ZNF804A: variants seen among roughly 807,000 people sequenced by gnomAD.
ZNF804A encodes the protein zinc finger protein 804A.
A neutral mutation model predicts 16.5 loss-of-function variants in ZNF804A; 2 were observed. The ratio of observed to expected loss-of-function variants is 0.12; its 90% CI spans 0.05 to 0.38. The LOEUF is 0.38. ZNF804A is among the 10% of genes least tolerant of loss of function. The pLI, the probability that ZNF804A is intolerant of heterozygous loss-of-function variation, is 0.99. For missense variants in ZNF804A, 1,473 were observed against 1,390.7 expected (o/e 1.06, Z -0.94); for synonymous variants, 534 against 489.6 (o/e 1.09, Z -1.20).
intron 1 of ZNF804A, among the ~76,000 whole-genome samples, chr2:184,626,120 G>A (rs1232564340): frequency 1.3e-5 from 2 of 151,976 alleles, no homozygotes; most frequent in African/African-American, 2.4e-5. Context: ...CACACACCTC[G>A]GCCTCCCAAA....
chr2:184,798,053 T>TGTGTGA (rs1491078827), intron 1 of ZNF804A, among the ~76,000 whole-genome samples: 3 of 144,718 alleles, frequency 2.1e-5, no homozygotes, highest in Non-Finnish European at 3.0e-5. Flanking sequence ...TGTGTGTGTG[T>TGTGTGA]GAAGATAGGG....
intron 1 of ZNF804A, among the ~76,000 whole-genome samples, chr2:184,785,644 G>A (rs1694435273): frequency 6.6e-6 from 1 of 151,952 alleles, no homozygotes; most frequent in African/African-American, 2.4e-5. Flanking sequence ...GTAAGAACAA[G>A]AAGGTTGCAA....
At chr2:184,814,346 A>G (rs1317775116) in intron 1 of ZNF804A, among the ~76,000 whole-genome samples, 1 of 152,038 alleles carries the variant, frequency 6.6e-6, no homozygotes, top group African/African-American at 2.4e-5. Flanking sequence ...CTTTGATTCA[A>G]AATTGCTGTT....
At chr2:184,651,585 AT>A (rs1035968157) in intron 1 of ZNF804A, among the ~76,000 whole-genome samples, 1 of 152,140 alleles carries the variant, frequency 6.6e-6, no homozygotes, top group African/African-American at 2.4e-5. Context: ...GAAACTAAAC[AT>A]TTTAATAAGC....
intron 1 of ZNF804A, among the ~76,000 whole-genome samples, chr2:184,610,396 A>G (rs1691216714): frequency 6.6e-6 from 1 of 152,210 alleles, no homozygotes; most frequent in South Asian, 2.1e-4. Flanking sequence ...GGAGTTGCCA[A>G]AGACTTTTAG....
intron 1 of ZNF804A, among the ~76,000 whole-genome samples, chr2:184,634,932 T>G (rs1691671509): frequency 1.3e-5 from 2 of 151,980 alleles, no homozygotes; most frequent in African/African-American, 2.4e-5. Context: ...ATCCATTTGT[T>G]TGAAATTTTG....
Position 184,638,912 on chromosome 2 carries a change from G to A in ZNF804A, c.111+39842G>A, listed in dbSNP as rs534438414. 9.1e-4 allele frequency among the ~76,000 whole-genome samples: 138 copies of A among 152,126 alleles called. 2 individuals carry two copies. In the South Asian group the frequency reaches 0.026, roughly 28 times the overall value. On this transcript the variant is annotated intron_variant, in intron 1 of 3. Coordinates refer to ENST00000302277, the MANE Select transcript of ZNF804A (RefSeq NM_194250.2). ...CCCGTAAGGTTGATATAGGGAAGCA[G>A]ATATAATCATAGCACATAATTCCAC...
intron 2 of ZNF804A, among the ~76,000 whole-genome samples, chr2:184,889,921 T>C (rs76560832): frequency 0.04 from 6,150 of 152,220 alleles, 394 homozygotes; most frequent in African/African-American, 0.14. Context: ...TATTCCCCCA[T>C]TTTCACACCT....
At chr2:184,692,125 G>A (rs577308763) in intron 1 of ZNF804A, among the ~76,000 whole-genome samples, 1 of 152,134 alleles carries the variant, frequency 6.6e-6, no homozygotes, top group Non-Finnish European at 1.5e-5. Flanking sequence ...GACAGCAGTT[G>A]TTCAACAATA....
At chr2:184,636,897 C>A (rs192889315) in intron 1 of ZNF804A, among the ~76,000 whole-genome samples, 1 of 152,216 alleles carries the variant, frequency 6.6e-6, no homozygotes, top group Non-Finnish European at 1.5e-5. Flanking sequence ...TCTTCTCTAT[C>A]TACTCATTCC....
At chr2:184,730,342 A>G (rs1226743009) in intron 1 of ZNF804A, among the ~76,000 whole-genome samples, 1 of 152,168 alleles carries the variant, frequency 6.6e-6, no homozygotes, top group Non-Finnish European at 1.5e-5. Context: ...CTACCAGAGT[A>G]GTATATTTGT....
chr2:184,766,358 A>C (rs1694127099), intron 1 of ZNF804A, among the ~76,000 whole-genome samples: 1 of 152,092 alleles, frequency 6.6e-6, no homozygotes, highest in Non-Finnish European at 1.5e-5. Context: ...CATAAATAAC[A>C]ATTCTTTATT....
chr2:184,603,992 A>C (rs748202206), intron 1 of ZNF804A, among the ~76,000 whole-genome samples: 4 of 152,060 alleles, frequency 2.6e-5, no homozygotes, highest in Non-Finnish European at 2.9e-5. Context: ...CAGTATTTTA[A>C]GGCAAATGTC....
chr2:184,648,118 AAAG>A (rs1691913444), intron 1 of ZNF804A, among the ~76,000 whole-genome samples: 1 of 152,292 alleles, frequency 6.6e-6, no homozygotes, highest in South Asian at 2.1e-4. Flanking sequence ...TAAGAAAAGA[AAAG>A]AAAAGAAATG....
chr2:184,815,885 TG>T (rs149211471), intron 1 of ZNF804A, among the ~76,000 whole-genome samples: 139 of 152,172 alleles, frequency 9.1e-4, no homozygotes, highest in African/African-American at 3.2e-3. Context: ...ATTTGGTTTT[TG>T]TATTTGTGTT....
chr2:184,748,589 C>T (rs760365767), intron 1 of ZNF804A, among the ~76,000 whole-genome samples: 3 of 151,436 alleles, frequency 2.0e-5, no homozygotes, highest in Non-Finnish European at 3.0e-5. Context: ...TCTCTTTATT[C>T]CACTGATAGT....
intron 1 of ZNF804A, among the ~76,000 whole-genome samples, chr2:184,803,310 C>A (rs928155807): frequency 6.6e-6 from 1 of 152,082 alleles, no homozygotes; most frequent in Non-Finnish European, 1.5e-5. Flanking sequence ...CATTGACGCC[C>A]ACCCTGACTG....
chr2:184,935,728 A>T (rs1334364064), intron 3 of ZNF804A, 55 bp from the exon 4 acceptor site: 1 of 1,457,934 alleles, frequency 6.9e-7, no homozygotes, highest in Non-Finnish European at 9.1e-7. Flanking sequence ...ATATTTGACT[A>T]TTTTTTTTTC....
chr2:184,877,554 A>G (rs1340854379), intron 2 of ZNF804A, among the ~76,000 whole-genome samples: 6 of 152,096 alleles, frequency 3.9e-5, no homozygotes, highest in Non-Finnish European at 8.8e-5. Flanking sequence ...ATAGAAACTA[A>G]GATGCTAGGA....
Sources: gnomAD v4.1 joint callset for allele counts (sites outside exome capture counted in the v4.1 genomes callset) on GRCh38, gnomAD v4.1.1 for gene constraint, MANE v1.5 for transcripts, NCBI Gene and HGNC (gene_info 2026-07-23, HGNC 2026-07-21) for gene names.